EXT2: variants seen among roughly 807,000 people sequenced by gnomAD.
The protein encoded by EXT2 is exostosin glycosyltransferase 2.
Under a neutral mutation model 81.6 loss-of-function variants are expected in EXT2, and 53 were observed. That is an observed-to-expected ratio of 0.65 (90% CI 0.52 to 0.82). The LOEUF (loss-of-function observed/expected upper bound fraction) is 0.82. EXT2 is among the 40% of genes least tolerant of loss of function. EXT2 has a pLI of 0.00. For synonymous variants in EXT2, 320 were observed against 340.0 expected, an observed-to-expected ratio of 0.94 and a Z score of 0.65; for missense variants, 774 against 910.2, an observed-to-expected ratio of 0.85 and a Z score of 1.93.
intron 7 of EXT2, among the ~76,000 whole-genome samples, chr11:44,150,662 C>T (rs76080137): frequency 0.017 from 2,650 of 152,220 alleles, 80 homozygotes; most frequent in African/African-American, 0.061. Context: ...TGTAGTCTTG[C>T]CTTACTGTTG....
At chr11:44,184,971 C>T (rs1056559767) in intron 8 of EXT2, among the ~76,000 whole-genome samples, 1 of 152,118 alleles carries the variant, frequency 6.6e-6, no homozygotes, top group African/African-American at 2.4e-5. Flanking sequence ...AATAAGCAAA[C>T]ATAAATTGAA....
In EXT2 at chr11:44,107,787, C is replaced by T; in HGVS notation, c.75C>T (p.Tyr25=). The change falls in exon 2 of 14, where the codon TAC becomes TAT. Residue 25 remains tyrosine (Y), a synonymous_variant. Transcript: ENST00000533608. ...IPRMKTKHRI[Y]YITLFSIVLL... is the part of the protein sequence containing the mutation. ...GAATGAAGACCAAGCACCGAATCTACTATATCACCCTCTTCTCCATTGTCC... is the reference window on the plus strand; with the variant it reads ...GAATGAAGACCAAGCACCGAATCTATTATATCACCCTCTTCTCCATTGTCC... The T allele has an allele frequency of 6.2e-7, 1 of 1,614,196 alleles. No individual in the cohort carries two copies. The highest frequency in any genetic ancestry group is 8.5e-7 in the Non-Finnish European group (1 of 1,180,042).
chr11:44,203,067 C>G (rs924853234), intron 9 of EXT2, among the ~76,000 whole-genome samples: 4 of 152,176 alleles, frequency 2.6e-5, no homozygotes, highest in African/African-American at 9.7e-5. Flanking sequence ...AAGTTCTTAC[C>G]TATTTTAAGT....
At chr11:44,107,446 AT>A (rs1954070282) in intron 1 of EXT2, among the ~76,000 whole-genome samples, 1 of 152,072 alleles carries the variant, frequency 6.6e-6, no homozygotes, top group African/African-American at 2.4e-5. Flanking sequence ...AATGCAAAAA[AT>A]TAGCTGGGCG....
intron 13 of EXT2, among the ~76,000 whole-genome samples, chr11:44,238,263 A>T (rs567840445): frequency 6.6e-6 from 1 of 152,260 alleles, no homozygotes; most frequent in Admixed American, 6.5e-5. Flanking sequence ...GCTCACTACA[A>T]CCTTGAACTC....
intron 1 of EXT2, among the ~76,000 whole-genome samples, chr11:44,100,840 G>A (rs1250527691): frequency 6.6e-6 from 1 of 152,194 alleles, no homozygotes; most frequent in Non-Finnish European, 1.5e-5. Context: ...GAGGCACCGA[G>A]AACTTTGAAT....
chr11:44,125,928 T>C (rs896417957), intron 5 of EXT2, among the ~76,000 whole-genome samples: 5 of 152,226 alleles, frequency 3.3e-5, no homozygotes, highest in African/African-American at 1.2e-4. Flanking sequence ...CTTCTCTTCC[T>C]CTCCTCTTGC....
intron 3 of EXT2, among the ~76,000 whole-genome samples, chr11:44,112,376 C>T (rs1338950657): frequency 6.6e-6 from 1 of 152,224 alleles, no homozygotes; most frequent in African/African-American, 2.4e-5. Context: ...CATATTAATA[C>T]TTCTTTAGCT....
At chr11:44,143,913 C>T (rs918824688) in intron 7 of EXT2, among the ~76,000 whole-genome samples, 12 of 152,176 alleles carry the variant, frequency 7.9e-5, no homozygotes, top group African/African-American at 2.2e-4. Flanking sequence ...GAGTAGAGAA[C>T]GTCACGCTAA....
At chr11:44,178,418 C>G (rs1372832026) in intron 8 of EXT2, among the ~76,000 whole-genome samples, 1 of 152,098 alleles carries the variant, frequency 6.6e-6, no homozygotes, top group African/African-American at 2.4e-5. Context: ...CTTAACCCTG[C>G]GGGGCTTGGA....
chr11:44,158,780 T>G (rs1005323741), intron 7 of EXT2, among the ~76,000 whole-genome samples: 2 of 152,008 alleles, frequency 1.3e-5, no homozygotes, highest in African/African-American at 4.8e-5. Flanking sequence ...GCAAGGCTAC[T>G]GACAAATTTC....
intron 7 of EXT2, among the ~76,000 whole-genome samples, chr11:44,141,962 A>G (rs1954652150): frequency 6.6e-6 from 1 of 152,236 alleles, no homozygotes; most frequent in African/African-American, 2.4e-5. Context: ...TAGGTTTACA[A>G]TACAATAACT....
At chr11:44,212,952 A>G (rs1590652461) in intron 10 of EXT2, among the ~76,000 whole-genome samples, 1 of 152,192 alleles carries the variant, frequency 6.6e-6, no homozygotes, top group African/African-American at 2.4e-5. Flanking sequence ...GAAATGTTTT[A>G]TATTATGATA....
chr11:44,227,175 T>C (rs1014271685), intron 10 of EXT2, among the ~76,000 whole-genome samples: 2 of 152,208 alleles, frequency 1.3e-5, no homozygotes, highest in Non-Finnish European at 2.9e-5. Flanking sequence ...CTAGTCTGTT[T>C]CCGGAATCTG....
At chr11:44,121,509 T>G (rs2135006038) in intron 4 of EXT2, among the ~76,000 whole-genome samples, 1 of 152,224 alleles carries the variant, frequency 6.6e-6, no homozygotes, top group South Asian at 2.1e-4. Flanking sequence ...AATCTGGCTC[T>G]CTTTATCCTC....
rs959518543 is a variant in EXT2, at chr11:44,249,302, A to T, written c.*5015A>T. On this transcript the variant is annotated 3_prime_UTR_variant, in exon 14 of 14. Transcript: ENST00000533608. ...TGTGAACCACCATGCCTGGCCCAGG[A>T]TAGCACTTTTTCCTTTCTTCTGCTC... 3.9e-5 allele frequency among the ~76,000 whole-genome samples: 6 copies of T among 152,128 alleles called. No homozygotes were observed. Among genetic ancestry groups the T allele is most frequent in the African/African-American group, 1.4e-4 (6 of 41,428 alleles).
At chr11:44,110,256 A>C (rs746369441) in intron 3 of EXT2, among the ~76,000 whole-genome samples, 2 of 152,218 alleles carry the variant, frequency 1.3e-5, no homozygotes, top group Non-Finnish European at 2.9e-5. Context: ...CCAGAAGATT[A>C]AATCTAAACC....
rs575873922 is a variant in EXT2 at position 44,171,181 on chromosome 11, C to T, written c.1174-430C>T. Among the ~76,000 whole-genome samples, 5 of 152,270 alleles carry T rather than the reference C, an allele frequency of 3.3e-5. No individual in the cohort carries two copies. In the South Asian group the frequency reaches 1.0e-3, roughly 32 times the overall value. On this transcript the variant is annotated intron_variant, in intron 7 of 13. Coordinates refer to ENST00000533608, the MANE Select transcript of EXT2 (RefSeq NM_207122.2). ...GGATGAGATACTGACTGGGAAATAG[C>T]ATGAGGGAATCTTTTGGAATGCTGG...
intron 7 of EXT2, among the ~76,000 whole-genome samples, chr11:44,142,806 G>A (rs1024854930): frequency 6.6e-6 from 1 of 152,174 alleles, no homozygotes; most frequent in Non-Finnish European, 1.5e-5. Context: ...GTGAAGCAGT[G>A]CATAGGGAAT....
Sources: gnomAD v4.1 joint callset for allele counts (sites outside exome capture counted in the v4.1 genomes callset) on GRCh38, gnomAD v4.1.1 for gene constraint, MANE v1.5 for transcripts, NCBI Gene and HGNC (gene_info 2026-07-23, HGNC 2026-07-21) for gene names.